Variants in CHST2 observed in about 807,000 individuals in gnomAD.
CHST2 encodes carbohydrate sulfotransferase 2.
Under a neutral mutation model 34.6 loss-of-function variants are expected in CHST2, and 23 were observed. The observed-to-expected ratio is 0.67, with a 90% CI of 0.48 to 0.94. The LOEUF (loss-of-function observed/expected upper bound fraction) is 0.94. Among genes scored for constraint, CHST2 ranks in the 40% least tolerant of loss-of-function variants. CHST2 has a pLI of 0.00. For missense variants in CHST2, 720 were observed against 759.5 expected (o/e 0.95, Z 0.61); for synonymous variants, 392 against 343.1 (o/e 1.14, Z -1.58).
rs571797676 is a variant in CHST2, at chr3:143,123,522, A to T, written c.*1113A>T. The T allele has an allele frequency of 6.6e-6, 1 of 152,306 alleles. No homozygotes were observed. The highest frequency in any genetic ancestry group is 1.9e-4 in the East Asian group (1 of 5,182). The allele number at this position is 152,306 out of a possible 1,614,324, so 9.4% of individuals were successfully genotyped here. A position where few individuals can be genotyped will look rare whatever the true frequency, so the allele number is the denominator to read the frequency against. The stretch of plus-strand genomic sequence containing the variant: ...AGTATCTATTTGGAGTGTTTTTCTG[A>T]CCCTGACACGGTATGTGGAGGTGGA... On this transcript the variant is annotated 3_prime_UTR_variant, in exon 2 of 2. Coordinates refer to ENST00000309575, the MANE Select transcript of CHST2 (RefSeq NM_004267.5).
rs954413610 is a variant in CHST2 at position 143,123,911 on chromosome 3, A to G, written c.*1502A>G. ...TCCTGAACCCATTTGGTACTGAAAC[A>G]TTCTGCAGAATGTTATACTATGAGA... On this transcript the variant is annotated 3_prime_UTR_variant, in exon 2 of 2. Transcript: ENST00000309575. The G allele has an allele frequency of 2.0e-5, 3 of 152,226 alleles. No homozygotes were observed. The highest frequency in any genetic ancestry group is 7.2e-5 in the African/African-American group (3 of 41,458). 9.4% of individuals were successfully genotyped at this position (152,226 alleles called of 1,614,324 possible). A position where few individuals can be genotyped will look rare whatever the true frequency, so the allele number is the denominator to read the frequency against.
rs201667583 is a variant in CHST2 at position 143,120,881 on chromosome 3, C to G, written c.65C>G (p.Pro22Arg). 2 of 1,454,182 alleles carry G rather than the reference C, an allele frequency of 1.4e-6. No individual in the cohort carries two copies. Among genetic ancestry groups the G allele is most frequent in the Non-Finnish European group, 1.8e-6 (2 of 1,104,628 alleles). 90.1% of individuals were successfully genotyped at this position (1,454,182 alleles called of 1,614,324 possible). A position where few individuals can be genotyped will look rare whatever the true frequency, so the allele number is the denominator to read the frequency against. The change falls in exon 2 of 2, where the codon CCT becomes CGT. Residue 22 changes from proline to arginine, a missense_variant. This residue lies in a region of CHST2 where 287 missense variants were observed against 242.7 expected (regional missense o/e 1.18). Transcript: ENST00000309575. This position sits in a 1 kb window ranked among gnomAD's most constrained non-coding sequence, Gnocchi z 4.1. ...CTCCCTCGGCTGCTCCAGGCTGCGC[C>G]TGCAGCCGCGCCGCGTGCCCTGCTC... The part of the protein sequence containing the change: ...GALPRLLQAA[P>R]AAAPRALLPQ...
Position 143,121,408 on chromosome 3 carries a change from T to C in CHST2, c.592T>C (p.Trp198Arg). 6.2e-7 allele frequency: 1 copy of C among 1,613,876 alleles called. No individual in the cohort carries two copies. Among genetic ancestry groups the C allele is most frequent in the Non-Finnish European group, 8.5e-7 (1 of 1,180,006 alleles). ...GGTGTTCTTTCTCTACGAGCCAGTGTGGCATGTATGGCAAAAACTGTATCC... is the reference window on the plus strand; with the variant it reads ...GGTGTTCTTTCTCTACGAGCCAGTGCGGCATGTATGGCAAAAACTGTATCC... ...PEVFFLYEPV[W>R]HVWQKLYPGD... The change falls in exon 2 of 2, where the codon TGG becomes CGG. Residue 198 changes from tryptophan to arginine, a missense_variant. Around this residue, in one of 4 missense-constraint regions of CHST2, gnomAD observed 43 missense variants for 77.6 expected, o/e 0.55. Coordinates refer to ENST00000309575, the MANE Select transcript of CHST2 (RefSeq NM_004267.5).
In CHST2 at chr3:143,120,958, A is replaced by C; in HGVS notation, c.142A>C (p.Met48Leu). ...CCGCTGGCCCGCGTCCCCTCTCGGA[A>C]TGAAGGTGTTCCGTAGGAAGGCGCT... ...GRRWPASPLGMKVFRRKALVL... is the reference protein window; with the variant it reads ...GRRWPASPLGLKVFRRKALVL... Residue 48 changes from methionine to leucine, a missense_variant, in exon 2 of 2, where the codon ATG becomes CTG. Transcript: ENST00000309575. This position sits in a 1 kb window ranked among gnomAD's most constrained non-coding sequence, Gnocchi z 4.1. 1 of 1,538,226 alleles carries C rather than the reference A, an allele frequency of 6.5e-7. No individual in the cohort carries two copies.
Position 143,121,239 on chromosome 3 carries a change from A to G in CHST2, c.423A>G (p.Ala141=). ...TCGGGGCGGCTCCTGCAGCCGCGGCAGGGATGGCGGGGGTTGCGGCCCCTC... is the reference window on the plus strand; with the variant it reads ...TCGGGGCGGCTCCTGCAGCCGCGGCGGGGATGGCGGGGGTTGCGGCCCCTC... ...AAVGAAPAAA[A]GMAGVAAPPG... The change falls in exon 2 of 2, where the codon GCA becomes GCG. Residue 141 remains alanine (A), a synonymous_variant. Coordinates refer to ENST00000309575, the MANE Select transcript of CHST2 (RefSeq NM_004267.5). 1 of 1,583,330 alleles carries G rather than the reference A, an allele frequency of 6.3e-7. No homozygotes were observed. The highest frequency in any genetic ancestry group is 1.1e-5 in the South Asian group (1 of 87,710).
At position 143,122,564 on chromosome 3, in the gene CHST2, T is replaced by G; in HGVS notation, c.*155T>G. On this transcript the variant is annotated 3_prime_UTR_variant, in exon 2 of 2. Transcript: ENST00000309575. ...ACACACACACTTGCTGTCAATGTTT[T>G]GAGTCAGTGCATTTCAAGGAACAGC... 1.3e-6 allele frequency: 1 copy of G among 787,256 alleles called. No individual in the cohort carries two copies. The highest frequency in any genetic ancestry group is 1.9e-6 in the Non-Finnish European group (1 of 529,370). 48.8% of individuals were successfully genotyped at this position (787,256 alleles called of 1,614,324 possible).
Position 143,120,945 on chromosome 3 carries a change from G to A in CHST2, c.129G>A (p.Ala43=). ...GGCGCCCAGGACGCCGCTGGCCCGC[G>A]TCCCCTCTCGGAATGAAGGTGTTCC... The part of the protein sequence containing the change: ...WPRRPGRRWP[A]SPLGMKVFRR... The change falls in exon 2 of 2, where the codon GCG becomes GCA. Residue 43 remains alanine, a synonymous_variant. Transcript: ENST00000309575. The surrounding 1 kb of genome is among the most constrained non-coding windows in gnomAD (Gnocchi z 4.1). The A allele has an allele frequency of 1.3e-6, 2 of 1,533,042 alleles. No homozygotes were observed. The highest frequency in any genetic ancestry group is 1.2e-5 in the South Asian group (1 of 81,762). The allele number at this position is 1,533,042 out of a possible 1,614,324, so 95.0% of individuals were successfully genotyped here.
In CHST2 at chr3:143,123,753, A is replaced by G. The variant is rs114550052; in HGVS notation, c.*1344A>G. On this transcript the variant is annotated 3_prime_UTR_variant, in exon 2 of 2. Coordinates refer to ENST00000309575, the MANE Select transcript of CHST2 (RefSeq NM_004267.5). ...TGCAGACAGTATAAGGCTTCAGCCA[A>G]GAGCTTCTTTTAGATATGATAATGA... 5.9e-3 allele frequency: 892 copies of G among 152,360 alleles called. 5 individuals are homozygous for G. The highest frequency in any genetic ancestry group is 0.02 in the African/African-American group (844 of 41,584). The allele number at this position is 152,360 out of a possible 1,614,324, so 9.4% of individuals were successfully genotyped here.
In CHST2 at chr3:143,121,350, G is replaced by C. The variant is rs764993900; in HGVS notation, c.534G>C (p.Ser178=). The change falls in exon 2 of 2, where the codon TCG becomes TCC. Residue 178 remains serine (S), a synonymous_variant. Coordinates refer to ENST00000309575, the MANE Select transcript of CHST2 (RefSeq NM_004267.5). ...YVFTTWRSGS[S]FFGELFNQNP... is the part of the protein sequence containing the mutation. ...TCACCACGTGGCGCTCTGGCTCGTC[G>C]TTCTTCGGCGAGCTATTCAACCAGA... 2 of 1,613,458 alleles carry C rather than the reference G, an allele frequency of 1.2e-6. No homozygotes were observed. The highest frequency in any genetic ancestry group is 1.7e-6 in the Non-Finnish European group (2 of 1,180,016).
rs1936189898 is a variant in CHST2 at position 143,120,380 on chromosome 3, C to T, written c.-335C>T. On this transcript the variant is annotated 5_prime_UTR_variant, in exon 1 of 2. Transcript: ENST00000309575. The surrounding 1 kb of genome is among the most constrained non-coding windows in gnomAD (Gnocchi z 4.1). Reference sequence around the variant, plus strand: ...TCCCGAGCCGCAGGGCGCCCGCTGCCCGGAAACTGCCCAGGGATAAGTCGG... The same window carrying T: ...TCCCGAGCCGCAGGGCGCCCGCTGCTCGGAAACTGCCCAGGGATAAGTCGG... The T allele has an allele frequency of 6.5e-6, 1 of 153,760 alleles. No homozygotes were observed. Among genetic ancestry groups the T allele is most frequent in the South Asian group, 2.1e-4 (1 of 4,852 alleles). The allele number at this position is 153,760 out of a possible 1,614,324, so 9.5% of individuals were successfully genotyped here. A position where few individuals can be genotyped will look rare whatever the true frequency, so the allele number is the denominator to read the frequency against.
In CHST2 at chr3:143,121,520, G is replaced by T. The variant is rs1936217887; in HGVS notation, c.704G>T (p.Ser235Ile). ...RCDLSVFQLYSPAGSGGRNLT... is the reference protein window; with the variant it reads ...RCDLSVFQLYIPAGSGGRNLT... ...GACCTCTCTGTCTTCCAGTTGTATAGCCCCGCGGGCAGCGGGGGGCGCAAC... is the reference window on the plus strand; with the variant it reads ...GACCTCTCTGTCTTCCAGTTGTATATCCCCGCGGGCAGCGGGGGGCGCAAC... The change falls in exon 2 of 2, where the codon AGC becomes ATC. Residue 235 changes from serine (S) to isoleucine (I), a missense_variant. By Grantham distance (142) the Ser-to-Ile change is moderately radical (BLOSUM62 -2). This residue lies in a region of CHST2 where 166 missense variants were observed against 211.4 expected (regional missense o/e 0.79). Coordinates refer to ENST00000309575, the MANE Select transcript of CHST2 (RefSeq NM_004267.5). The T allele has an allele frequency of 6.2e-7, 1 of 1,610,712 alleles. No individual in the cohort carries two copies. The highest frequency in any genetic ancestry group is 8.5e-7 in the Non-Finnish European group (1 of 1,178,374).
chr3:143,121,276 A>G lies in CHST2; in HGVS notation c.460A>G (p.Thr154Ala), dbSNP rs780142033. The G allele has an allele frequency of 9.3e-6, 15 of 1,607,224 alleles. No individual in the cohort carries two copies. The highest frequency in any genetic ancestry group is 2.2e-5 in the East Asian group (1 of 44,804). ...AGVAAPPGNGTRGTGGVGDKR... is the reference protein window; with the variant it reads ...AGVAAPPGNGARGTGGVGDKR... ...GGTTGCGGCCCCTCCAGGCAATGGC[A>G]CTCGGGGCACCGGGGGCGTCGGGGA... Residue 154 changes from threonine (T) to alanine (A), a missense_variant, in exon 2 of 2, where the codon ACT (threonine) becomes GCT (alanine). Physicochemically the swap from Thr to Ala is moderately conservative, Grantham distance 58 (BLOSUM62 0). Around this residue, in one of 4 missense-constraint regions of CHST2, gnomAD observed 287 missense variants for 242.7 expected, o/e 1.18. Coordinates refer to ENST00000309575, the MANE Select transcript of CHST2 (RefSeq NM_004267.5).
In CHST2 at chr3:143,120,951, T is replaced by A; in HGVS notation, c.135T>A (p.Pro45=). Residue 45 remains proline, a synonymous_variant, in exon 2 of 2, where the codon CCT becomes CCA. Coordinates refer to ENST00000309575, the MANE Select transcript of CHST2 (RefSeq NM_004267.5). This position sits in a 1 kb window ranked among gnomAD's most constrained non-coding sequence, Gnocchi z 4.1. ...CAGGACGCCGCTGGCCCGCGTCCCC[T>A]CTCGGAATGAAGGTGTTCCGTAGGA... ...RRPGRRWPAS[P]LGMKVFRRKA... The A allele has an allele frequency of 2.6e-6, 4 of 1,534,964 alleles. No homozygotes were observed. Among genetic ancestry groups the A allele is most frequent in the Non-Finnish European group, 3.5e-6 (4 of 1,142,264 alleles).
rs768202415 is a variant in CHST2 at position 143,122,019 on chromosome 3, T to A, written c.1203T>A (p.Ser401Arg). 6.2e-7 allele frequency: 1 copy of A among 1,610,254 alleles called. No individual in the cohort carries two copies. Among genetic ancestry groups the A allele is most frequent in the Non-Finnish European group, 8.5e-7 (1 of 1,178,948 alleles). The change falls in exon 2 of 2, where the codon AGT (serine) becomes AGA (arginine). Residue 401 changes from serine (S) to arginine (R), a missense_variant. Around this residue, in one of 4 missense-constraint regions of CHST2, gnomAD observed 224 missense variants for 227.8 expected, o/e 0.98. Coordinates refer to ENST00000309575, the MANE Select transcript of CHST2 (RefSeq NM_004267.5). The stretch of plus-strand genomic sequence containing the variant: ...GCGCTATGGAGGTCATCTGCAATAG[T>A]ATGGCTAAGACGCTGCAGACAGCCC... ...ALGAMEVICN[S>R]MAKTLQTALQ...
In CHST2 at chr3:143,120,491, G is replaced by C. The variant is rs936322029; in HGVS notation, c.-224G>C. The C allele has an allele frequency of 1.8e-4, 36 of 197,026 alleles. No individual in the cohort carries two copies. The highest frequency in any genetic ancestry group is 8.1e-4 in the African/African-American group (35 of 42,962). 12.2% of individuals were successfully genotyped at this position (197,026 alleles called of 1,614,324 possible). A position where few individuals can be genotyped will look rare whatever the true frequency, so the allele number is the denominator to read the frequency against. Reference sequence around the variant, plus strand: ...TCGAGGAACGAGTGACAGCCGGACAGTCCGCCGGGCGGTGATCCGGGGCCG... The same window carrying C: ...TCGAGGAACGAGTGACAGCCGGACACTCCGCCGGGCGGTGATCCGGGGCCG... On this transcript the variant is annotated 5_prime_UTR_variant, in exon 1 of 2. Transcript: ENST00000309575. The surrounding 1 kb of genome is among the most constrained non-coding windows in gnomAD (Gnocchi z 4.1).
chr3:143,121,885 C>T lies in CHST2; in HGVS notation c.1069C>T (p.Arg357Cys). Residue 357 changes from arginine (R) to cysteine (C), a missense_variant, in exon 2 of 2, where the codon CGC becomes TGC. Physicochemically the swap from Arg to Cys is radical, Grantham distance 180 (BLOSUM62 -3). Around this residue, in one of 4 missense-constraint regions of CHST2, gnomAD observed 166 missense variants for 211.4 expected, o/e 0.79. Coordinates refer to ENST00000309575, the MANE Select transcript of CHST2 (RefSeq NM_004267.5). ...CATCCGTGAGAGCCTACAGGTGGTG[C>T]GCAGCCGAGACCCGCGAGCTCACCG... ...GLIRESLQVV[R>C]SRDPRAHRMP... 1 of 1,577,546 alleles carries T rather than the reference C, an allele frequency of 6.3e-7. No homozygotes were observed. Among genetic ancestry groups the T allele is most frequent in the Non-Finnish European group, 8.6e-7 (1 of 1,159,172 alleles).
Position 143,120,751 on chromosome 3 carries a change from C to T in CHST2, c.-66C>T. 1.7e-6 allele frequency: 2 copies of T among 1,191,806 alleles called. No homozygotes were observed. Among genetic ancestry groups the T allele is most frequent in the Non-Finnish European group, 2.1e-6 (2 of 961,978 alleles). 73.8% of individuals were successfully genotyped at this position (1,191,806 alleles called of 1,614,324 possible). A position where few individuals can be genotyped will look rare whatever the true frequency, so the allele number is the denominator to read the frequency against. On this transcript the variant is annotated 5_prime_UTR_variant, in exon 2 of 2. Coordinates refer to ENST00000309575, the MANE Select transcript of CHST2 (RefSeq NM_004267.5). This position sits in a 1 kb window ranked among gnomAD's most constrained non-coding sequence, Gnocchi z 4.1. ...CGAGTCCCGGCGCCAGCAGCCAGCCCGCTGCGTCCCCTTCCCGGGCTGCAG... is the reference window on the plus strand; with the variant it reads ...CGAGTCCCGGCGCCAGCAGCCAGCCTGCTGCGTCCCCTTCCCGGGCTGCAG...
Position 143,123,583 on chromosome 3 carries a change from G to T in CHST2, c.*1174G>T, listed in dbSNP as rs1936260366. 1 of 152,174 alleles carries T rather than the reference G, an allele frequency of 6.6e-6. No individual in the cohort carries two copies. Among genetic ancestry groups the T allele is most frequent in the Non-Finnish European group, 1.5e-5 (1 of 68,032 alleles). 9.4% of individuals were successfully genotyped at this position (152,174 alleles called of 1,614,324 possible). A position where few individuals can be genotyped will look rare whatever the true frequency, so the allele number is the denominator to read the frequency against. On this transcript the variant is annotated 3_prime_UTR_variant, in exon 2 of 2. Coordinates refer to ENST00000309575, the MANE Select transcript of CHST2 (RefSeq NM_004267.5). Reference sequence around the variant, plus strand: ...GAAGTTTCATCTGAGAACCGTAAGGGTTTTCCCTTTTCTTACTTGCTTCCC... The same window carrying T: ...GAAGTTTCATCTGAGAACCGTAAGGTTTTTCCCTTTTCTTACTTGCTTCCC...
chr3:143,123,599 C>G lies in CHST2; in HGVS notation c.*1190C>G, dbSNP rs554967230. 3.9e-5 allele frequency: 6 copies of G among 152,308 alleles called. No individual in the cohort carries two copies. Among genetic ancestry groups the G allele is most frequent in the African/African-American group, 1.4e-4 (6 of 41,566 alleles). 9.4% of individuals were successfully genotyped at this position (152,308 alleles called of 1,614,324 possible). On this transcript the variant is annotated 3_prime_UTR_variant, in exon 2 of 2. Transcript: ENST00000309575. Reference sequence around the variant, plus strand: ...ACCGTAAGGGTTTTCCCTTTTCTTACTTGCTTCCCATTTAAATCAGTGCAA... The same window carrying G: ...ACCGTAAGGGTTTTCCCTTTTCTTAGTTGCTTCCCATTTAAATCAGTGCAA...
Sources: gnomAD v4.1 joint callset for allele counts on GRCh38, gnomAD v4.1.1 for gene constraint, gnomAD v4.1.1 regional missense constraint, Gnocchi (gnomAD v3.1) non-coding constraint, MANE v1.5 for transcripts, NCBI Gene and HGNC (gene_info 2026-07-23, HGNC 2026-07-21) for gene names.